Variants in CDC5L observed in about 807,000 individuals in gnomAD.
CDC5L encodes cell division cycle 5-like protein.
Under a neutral mutation model 104.1 loss-of-function variants are expected in CDC5L, and 18 were observed. The ratio of observed to expected loss-of-function variants is 0.17; its 90% CI spans 0.12 to 0.26. The LOEUF (loss-of-function observed/expected upper bound fraction) is 0.26, where lower values mean the gene tolerates loss of function less well. Among genes scored for constraint, CDC5L ranks in the 10% least tolerant of loss-of-function variants. The pLI, the probability that CDC5L is intolerant of heterozygous loss-of-function variation, is 1.00. For missense variants in CDC5L, 673 were observed against 956.9 expected, an observed-to-expected ratio of 0.70 and a Z score of 3.91; for synonymous variants, 331 against 322.7, an observed-to-expected ratio of 1.03 and a Z score of -0.28.
chr6:44,438,699 C>T (rs1273765906), intron 14 of CDC5L, among the ~76,000 whole-genome samples: 2 of 146,950 alleles, frequency 1.4e-5, no homozygotes, highest in Non-Finnish European at 3.0e-5. Context: ...AACTCTAACT[C>T]CATCCCACTA....
intron 14 of CDC5L, among the ~76,000 whole-genome samples, chr6:44,434,096 T>G (rs960427824): frequency 6.6e-6 from 1 of 152,232 alleles, no homozygotes; most frequent in Non-Finnish European, 1.5e-5. Flanking sequence ...TTATAGGCAC[T>G]GACAGATTTC....
rs1429617042 is a variant in CDC5L, at chr6:44,387,798, G to A, written c.-26G>A. 4.5e-6 allele frequency: 7 copies of A among 1,552,262 alleles called. No homozygotes were observed. Among genetic ancestry groups the A allele is most frequent in the Admixed American group, 1.9e-5 (1 of 51,486 alleles). On this transcript the variant is annotated 5_prime_UTR_variant, in exon 1 of 16. Transcript: ENST00000371477. The stretch of plus-strand genomic sequence containing the variant: ...TACTTCTCTGAAGCTCCTCTCGGCT[G>A]CTTGCCGAGACACCCTGCCGCCAAG...
chr6:44,402,342 A>G (rs963180395), intron 5 of CDC5L, among the ~76,000 whole-genome samples: 1 of 152,178 alleles, frequency 6.6e-6, no homozygotes, highest in Non-Finnish European at 1.5e-5. Flanking sequence ...TTAATGATTT[A>G]AATATTATAT....
intron 13 of CDC5L, 88 bp downstream of exon 13, chr6:44,426,812 C>T (rs748273372): frequency 2.8e-4 from 359 of 1,297,262 alleles, no homozygotes; most frequent in Middle Eastern, 1.1e-3. Context: ...TTATTTTTCC[C>T]TGTTGGTATT....
intron 14 of CDC5L, among the ~76,000 whole-genome samples, chr6:44,434,837 C>T (rs1383986529): frequency 6.6e-6 from 1 of 152,068 alleles, no homozygotes; most frequent in African/African-American, 2.4e-5. Flanking sequence ...TGTAATGACC[C>T]GAGGAAACAC....
Position 44,424,597 on chromosome 6 carries a change from C to G in CDC5L, c.1569+14C>G, listed in dbSNP as rs1581655755. On this transcript the variant is annotated intron_variant, in intron 11 of 15. Coordinates refer to ENST00000371477, the MANE Select transcript of CDC5L (RefSeq NM_001253.4). ...GCTCGAAAGCAGGTGGGTAACTGTACTGAAAGAAGCGTGAGTTTGGCTGAA... is the reference window on the plus strand; with the variant it reads ...GCTCGAAAGCAGGTGGGTAACTGTAGTGAAAGAAGCGTGAGTTTGGCTGAA... 6.2e-7 allele frequency: 1 copy of G among 1,612,798 alleles called. No individual in the cohort carries two copies. The highest frequency in any genetic ancestry group is 2.2e-5 in the East Asian group (1 of 44,824).
At chr6:44,441,895 T>C (rs1793206731) in intron 14 of CDC5L, among the ~76,000 whole-genome samples, 1 of 149,098 alleles carries the variant, frequency 6.7e-6, no homozygotes, top group Non-Finnish European at 1.5e-5. Flanking sequence ...GAGTGGTGGC[T>C]CACACCTGTA....
intron 12 of CDC5L, 112 bp downstream of exon 12, chr6:44,426,295 T>C (rs767507949): frequency 9.5e-5 from 76 of 798,090 alleles, no homozygotes; most frequent in Non-Finnish European, 1.5e-4. Flanking sequence ...CTTTCTGGAA[T>C]ATAGCAAAGT....
intron 8 of CDC5L, among the ~76,000 whole-genome samples, chr6:44,414,754 C>T (rs191136844): frequency 7.9e-5 from 12 of 152,106 alleles, no homozygotes; most frequent in South Asian, 4.2e-4. Context: ...TCTTGATGTT[C>T]TCATTTGCAG....
chr6:44,413,763 T>C (rs888330055), intron 8 of CDC5L, among the ~76,000 whole-genome samples: 3 of 152,078 alleles, frequency 2.0e-5, no homozygotes, highest in Non-Finnish European at 4.4e-5. Context: ...TTCTAATTTT[T>C]TGTAGAGATG....
intron 13 of CDC5L, among the ~76,000 whole-genome samples, chr6:44,428,116 A>G (rs1490574475): frequency 6.6e-6 from 1 of 152,196 alleles, no homozygotes; most frequent in Non-Finnish European, 1.5e-5. Flanking sequence ...TCTCGTAATG[A>G]TTATAAGATC....
intron 8 of CDC5L, among the ~76,000 whole-genome samples, chr6:44,412,927 C>T (rs1020113292): frequency 5.3e-5 from 8 of 150,080 alleles, no homozygotes; most frequent in African/African-American, 9.7e-5. Flanking sequence ...GGACTACAGG[C>T]GCCCGCCACT....
intron 14 of CDC5L, among the ~76,000 whole-genome samples, chr6:44,434,736 T>A (rs1453871626): frequency 1.3e-5 from 2 of 152,182 alleles, no homozygotes; most frequent in East Asian, 3.8e-4. Context: ...GGATAATGTG[T>A]TTATTTTGGA....
At chr6:44,400,464 T>G (rs2153376008) in intron 5 of CDC5L, among the ~76,000 whole-genome samples, 1 of 152,348 alleles carries the variant, frequency 6.6e-6, no homozygotes, top group Non-Finnish European at 1.5e-5. Context: ...CTCGGCTCAC[T>G]GCAACTTCTA....
Sources: gnomAD v4.1 joint callset for allele counts (sites outside exome capture counted in the v4.1 genomes callset) on GRCh38, gnomAD v4.1.1 for gene constraint, MANE v1.5 for transcripts, NCBI Gene and HGNC (gene_info 2026-07-23, HGNC 2026-07-21) for gene names.